Variants in CNTN1 observed in about 807,000 individuals in gnomAD.
The protein encoded by CNTN1 is contactin 1, also known as contactin-1.
A neutral mutation model predicts 126.4 loss-of-function variants in CNTN1; 38 were observed. That is an observed-to-expected ratio of 0.30 (90% CI 0.23 to 0.39). The LOEUF (loss-of-function observed/expected upper bound fraction) is 0.39. CNTN1 is among the 10% of genes least tolerant of loss of function. The probability of loss-of-function intolerance (pLI) is 1.00; values close to 1 mark genes in which losing one functional copy is unlikely to be tolerated. For missense variants in CNTN1, 1,009 were observed against 1,248.4 expected, an observed-to-expected ratio of 0.81 and a Z score of 2.89; for synonymous variants, 413 against 422.6, an observed-to-expected ratio of 0.98 and a Z score of 0.28.
intron 1 of CNTN1, among the ~76,000 whole-genome samples, chr12:40,699,091 C>T (rs139081845): frequency 2.8e-5 from 3 of 108,520 alleles, no homozygotes; most frequent in African/African-American, 9.9e-5. Context: ...CTGTGGATAT[C>T]CCTGCCGTGT....
At chr12:40,893,196 A>T (rs1163590542) in intron 1 of CNTN1, among the ~76,000 whole-genome samples, 3 of 152,054 alleles carry the variant, frequency 2.0e-5, no homozygotes, top group Non-Finnish European at 4.4e-5. Context: ...ATCACTCTGC[A>T]TAGTCATGTT....
chr12:40,699,596 A>G (rs10748138), intron 1 of CNTN1, among the ~76,000 whole-genome samples: 92,896 of 152,024 alleles, frequency 0.61, 29,182 homozygotes, highest in East Asian at 0.84. Context: ...TTGGAATTAA[A>G]TAATGGCAAA....
At chr12:40,792,678 T>G (rs1940263791) in intron 1 of CNTN1, among the ~76,000 whole-genome samples, 1 of 152,128 alleles carries the variant, frequency 6.6e-6, no homozygotes, top group African/African-American at 2.4e-5. Context: ...ATTATTTGTC[T>G]TATATTTATT....
intron 1 of CNTN1, among the ~76,000 whole-genome samples, chr12:40,823,639 G>A (rs1018118237): frequency 6.6e-6 from 1 of 152,026 alleles, no homozygotes; most frequent in African/African-American, 2.4e-5. Flanking sequence ...TTTTGTATAT[G>A]TTTACTTATC....
chr12:40,977,310 C>A (rs1055643942), intron 15 of CNTN1, among the ~76,000 whole-genome samples: 1 of 152,088 alleles, frequency 6.6e-6, no homozygotes. Context: ...CTTCAGGTAG[C>A]AAGCTTCAGA....
chr12:40,785,443 C>A (rs770689927), intron 1 of CNTN1, among the ~76,000 whole-genome samples: 3 of 152,106 alleles, frequency 2.0e-5, no homozygotes, highest in African/African-American at 7.2e-5. Context: ...ACCAAACAGG[C>A]TTTGTGTGAG....
chr12:41,011,944 G>T (rs1258241920), intron 17 of CNTN1, among the ~76,000 whole-genome samples: 1 of 152,190 alleles, frequency 6.6e-6, no homozygotes, highest in Non-Finnish European at 1.5e-5. Flanking sequence ...ACAGTATTAA[G>T]ACTAAAATTT....
chr12:40,882,845 T>A (rs894093170), intron 1 of CNTN1, among the ~76,000 whole-genome samples: 1 of 151,360 alleles, frequency 6.6e-6, no homozygotes, highest in Non-Finnish European at 1.5e-5. Context: ...TTTAAAATTA[T>A]TTTTTTTCTT....
At chr12:40,792,217 C>A (rs1289626353) in intron 1 of CNTN1, among the ~76,000 whole-genome samples, 1 of 151,994 alleles carries the variant, frequency 6.6e-6, no homozygotes, top group African/African-American at 2.4e-5. Context: ...AAATGGGACC[C>A]AGCAGCACCC....
chr12:40,848,135 A>G (rs1942585330), intron 1 of CNTN1, among the ~76,000 whole-genome samples: 1 of 152,162 alleles, frequency 6.6e-6, no homozygotes, highest in Admixed American at 6.5e-5. Flanking sequence ...TAGAGTTTCT[A>G]AACTCTACAA....
chr12:40,908,157 G>A (rs765929487), intron 1 of CNTN1, among the ~76,000 whole-genome samples, 200 bp from the exon 2 acceptor site: 23 of 152,186 alleles, frequency 1.5e-4, no homozygotes, highest in Admixed American at 3.3e-4. Flanking sequence ...ATTACACGGT[G>A]TTTACAAATA....
At chr12:40,720,309 G>A (rs1385091421) in intron 1 of CNTN1, among the ~76,000 whole-genome samples, 3 of 151,828 alleles carry the variant, frequency 2.0e-5, no homozygotes, top group Non-Finnish European at 4.4e-5. Context: ...TTCGGTTCTA[G>A]TTTTTTTCAT....
rs1214754236 is a variant in CNTN1, at chr12:40,802,801, A to G, written c.-76-105556A>G. The stretch of plus-strand genomic sequence containing the variant: ...TTCAAAACACTCTCATAAAAAGCAG[A>G]TATTATCATTCTTGGCACTCCTGAA... On this transcript the variant is annotated intron_variant, in intron 1 of 23. Coordinates refer to ENST00000551295, the MANE Select transcript of CNTN1 (RefSeq NM_001843.4). Among the ~76,000 whole-genome samples, 4 of 152,152 alleles carry G rather than the reference A, an allele frequency of 2.6e-5. No homozygotes were observed. In the East Asian group the frequency reaches 7.7e-4, roughly 29 times the overall value.
chr12:40,873,032 G>T (rs1943556430), intron 1 of CNTN1, among the ~76,000 whole-genome samples: 1 of 152,038 alleles, frequency 6.6e-6, no homozygotes, highest in Admixed American at 6.6e-5. Flanking sequence ...CCCCAGTCAG[G>T]CTGACACCAA....
chr12:40,883,938 A>T (rs989600142), intron 1 of CNTN1, among the ~76,000 whole-genome samples: 1 of 151,640 alleles, frequency 6.6e-6, no homozygotes, highest in Non-Finnish European at 1.5e-5. Context: ...AGTAATTTCT[A>T]TTAAAGTAAT....
chr12:40,979,244 G>A (rs1947760477), intron 15 of CNTN1: 1 of 152,010 alleles, frequency 6.6e-6, no homozygotes, highest in Admixed American at 6.6e-5. Flanking sequence ...TACTGTCATG[G>A]ATAGGGTATG....
intron 1 of CNTN1, among the ~76,000 whole-genome samples, chr12:40,823,056 A>G (rs555371341): frequency 6.6e-6 from 1 of 152,338 alleles, no homozygotes; most frequent in Non-Finnish European, 1.5e-5. Context: ...ATTTAAACAC[A>G]TATATGTATG....
Position 40,936,909 on chromosome 12 carries a change from T to C in CNTN1, c.1110+4T>C. 6.2e-7 allele frequency: 1 copy of C among 1,612,716 alleles called. No individual in the cohort carries two copies. The highest frequency in any genetic ancestry group is 8.5e-7 in the Non-Finnish European group (1 of 1,179,020). ...ATGGTTGAAAAATGGATATGCGGTA[T>C]GTATGTTCAAGTGCTTTGCTGTTCC... On this transcript the variant is annotated splice_donor_region_variant and intron_variant, in intron 10 of 23. Coordinates refer to ENST00000551295, the MANE Select transcript of CNTN1 (RefSeq NM_001843.4).
chr12:40,973,076 C>G (rs926152692), intron 15 of CNTN1, among the ~76,000 whole-genome samples: 1 of 151,964 alleles, frequency 6.6e-6, no homozygotes, highest in Non-Finnish European at 1.5e-5. Context: ...GAAGGACAAC[C>G]TTAAACTATA....
Sources: gnomAD v4.1 joint callset for allele counts (sites outside exome capture counted in the v4.1 genomes callset) on GRCh38, gnomAD v4.1.1 for gene constraint, MANE v1.5 for transcripts, NCBI Gene and HGNC (gene_info 2026-07-23, HGNC 2026-07-21) for gene names.